KLF10: variants seen among roughly 807,000 people sequenced by gnomAD.
KLF10 encodes Krueppel-like factor 10.
A neutral mutation model predicts 31.6 loss-of-function variants in KLF10; 17 were observed. That is an observed-to-expected ratio of 0.54 (90% confidence interval 0.37 to 0.81). The LOEUF (loss-of-function observed/expected upper bound fraction) is 0.81, where lower values mean the gene tolerates loss of function less well. Ranked by LOEUF, KLF10 falls within the 30% of genes least tolerant of loss-of-function variation. The pLI, the probability that KLF10 is intolerant of heterozygous loss-of-function variation, is 0.00. For missense variants in KLF10, 525 were observed against 598.1 expected (o/e 0.88, Z 1.27); for synonymous variants, 239 against 215.1 (o/e 1.11, Z -0.97).
Position 102,652,232 on chromosome 8 carries a change from C to T in KLF10, c.202G>A (p.Val68Ile). 6.2e-7 allele frequency: 1 copy of T among 1,612,150 alleles called. No individual in the cohort carries two copies. Among genetic ancestry groups the T allele is most frequent in the Non-Finnish European group, 8.5e-7 (1 of 1,178,796 alleles). The change falls in exon 2 of 4, where the codon GTA becomes ATA. Residue 68 changes from valine to isoleucine, a missense_variant. Val to Ile is a conservative substitution (Grantham distance 29). This residue lies in a region of KLF10 where 434 missense variants were observed against 450.7 expected (regional missense o/e 0.96). Coordinates refer to ENST00000285407, the MANE Select transcript of KLF10 (RefSeq NM_005655.4). ...KYVENRPVTP[V>I]SDLSEEENLL... ...TTCTCTTCCTCTGACAAATCAGATA[C>T]TGGTGTAACAGGTCTGTTTTCAACG...
chr8:102,650,181 C>T lies in KLF10; in HGVS notation c.1394G>A (p.Ser465Asn), dbSNP rs751119835. The change falls in exon 4 of 4, where the codon AGC (serine) becomes AAC (asparagine). Residue 465 changes from serine (S) to asparagine (N), a missense_variant. This residue lies in a region of KLF10 where 42 missense variants were observed against 42.4 expected (regional missense o/e 0.99). Coordinates refer to ENST00000285407, the MANE Select transcript of KLF10 (RefSeq NM_005655.4). ...AGGTAGAGCAATGTCATTTAGCTTG[C>T]TCACTTCCATCTGCCAGTTTGGTAG... ...KKLPNWQMEV[S>N]KLNDIALPPT... 1 of 1,614,248 alleles carries T rather than the reference C, an allele frequency of 6.2e-7. No homozygotes were observed.
At chr8:102,651,064 A>G (rs990657907) in intron 3 of KLF10, 85 bp downstream of exon 3, 1 of 1,280,758 alleles carries the variant, frequency 7.8e-7, no homozygotes, top group African/African-American at 1.5e-5. Flanking sequence ...AAGGCAAGTT[A>G]TTCCTTATCA....
chr8:102,655,672 C>A lies in KLF10; in HGVS notation c.-71G>T. ...TGCTGGCTGCTTGGCCACAGACGGG[C>A]GCACGGAGACACTCGACGCCGCTCC... On this transcript the variant is annotated 5_prime_UTR_variant, in exon 1 of 4. Coordinates refer to ENST00000285407, the MANE Select transcript of KLF10 (RefSeq NM_005655.4). 9 of 1,562,596 alleles carry A rather than the reference C, an allele frequency of 5.8e-6. No homozygotes were observed. The highest frequency in any genetic ancestry group is 7.9e-6 in the Non-Finnish European group (9 of 1,141,652).
chr8:102,653,822 G>C, intron 1 of KLF10: 1 of 1,030,458 alleles, frequency 9.7e-7, no homozygotes, highest in Middle Eastern at 4.8e-4. Context: ...AACAGGGAGG[G>C]GAGGAAAGGG....
intron 3 of KLF10, 136 bp from the exon 4 acceptor site, chr8:102,650,527 G>A: frequency 1.1e-6 from 1 of 908,692 alleles, no homozygotes; most frequent in Non-Finnish European, 1.6e-6. Context: ...ATGAATATGA[G>A]ATATGTATTG....
chr8:102,652,094 T>C, intron 2 of KLF10, 33 bp from the exon 3 acceptor site: 1 of 1,517,720 alleles, frequency 6.6e-7, no homozygotes, highest in Non-Finnish European at 8.9e-7. Flanking sequence ...GCATGAGAAA[T>C]CTACAGTTTA....
intron 3 of KLF10, among the ~76,000 whole-genome samples, chr8:102,650,618 C>CA (rs1827184399): frequency 6.6e-6 from 1 of 152,110 alleles, no homozygotes; most frequent in African/African-American, 2.4e-5. Flanking sequence ...GAGTAGTAGG[C>CA]ACCTGTAGTC....
At chr8:102,652,124 T>G (rs933109465) in intron 2 of KLF10, 40 bp downstream of exon 2, 2 of 1,479,208 alleles carry the variant, frequency 1.4e-6, no homozygotes, top group African/African-American at 1.4e-5. Context: ...TTTTAAGAAA[T>G]TATATAATTT....
chr8:102,650,137 G>C lies in KLF10; in HGVS notation c.1438C>G (p.Gln480Glu). The change falls in exon 4 of 4, where the codon CAG (glutamine) becomes GAG (glutamate). Residue 480 changes from glutamine (Q) to glutamate (E), a missense_variant. Physicochemically the swap from Gln to Glu is conservative, Grantham distance 29 (BLOSUM62 2). Around this residue, in one of 3 missense-constraint regions of KLF10, gnomAD observed 42 missense variants for 42.4 expected, o/e 0.99. Transcript: ENST00000285407. ...IALPPTPAPT[Q>E] ...ACTCTTCACTTTCCGGTCTGTCACT[G>C]TGTGGGAGCAGGGGTTGGAGGTAGA... The C allele has an allele frequency of 6.2e-7, 1 of 1,614,210 alleles. No homozygotes were observed. The highest frequency in any genetic ancestry group is 8.5e-7 in the Non-Finnish European group (1 of 1,180,016).
Position 102,655,697 on chromosome 8 carries a change from C to T in KLF10, c.-96G>A, listed in dbSNP as rs891986782. ...CGCACGGAGACACTCGACGCCGCTC[C>T]CGCCGCCGCCGCGCTCAGCGCCGTC... On this transcript the variant is annotated 5_prime_UTR_variant, in exon 1 of 4. Transcript: ENST00000285407. 16 of 1,336,494 alleles carry T rather than the reference C, an allele frequency of 1.2e-5. No individual in the cohort carries two copies. Among genetic ancestry groups the T allele is most frequent in the Admixed American group, 3.9e-5 (2 of 50,670 alleles). 82.8% of individuals were successfully genotyped at this position (1,336,494 alleles called of 1,614,324 possible). A position where few individuals can be genotyped will look rare whatever the true frequency, so the allele number is the denominator to read the frequency against.
Position 102,652,204 on chromosome 8 carries a change from A to G in KLF10, c.230T>C (p.Leu77Pro). 1 of 1,606,382 alleles carries G rather than the reference A, an allele frequency of 6.2e-7. No homozygotes were observed. Among genetic ancestry groups the G allele is most frequent in the Non-Finnish European group, 8.5e-7 (1 of 1,175,006 alleles). ...ATGAAAATCAGGTGTTCCCGGAAGC[A>G]GATTCTCTTCCTCTGACAAATCAGA... ...PVSDLSEEEN[L>P]LPGTPDFHTI... Residue 77 changes from leucine (L) to proline (P), a missense_variant, in exon 2 of 4, where the codon CTG becomes CCG. Transcript: ENST00000285407.
chr8:102,655,441 C>G (rs1827341688), intron 1 of KLF10, 125 bp downstream of exon 1: 2 of 1,276,332 alleles, frequency 1.6e-6, no homozygotes, highest in Admixed American at 3.5e-5. Context: ...CTTTCCTTCC[C>G]CACGACTCCG....
At chr8:102,652,562 G>A (rs893499206) in intron 1 of KLF10, among the ~76,000 whole-genome samples, 165 bp from the exon 2 acceptor site, 2 of 149,168 alleles carry the variant, frequency 1.3e-5, no homozygotes, top group East Asian at 3.9e-4. Flanking sequence ...TACTAAGGAA[G>A]TTCAGCTACA....
Position 102,649,970 on chromosome 8 carries a change from CCT to C in KLF10, c.*160_*161del. The C allele has an allele frequency of 1.2e-6, 1 of 803,838 alleles. No individual in the cohort carries two copies. 49.8% of individuals were successfully genotyped at this position (803,838 alleles called of 1,614,324 possible). ...TCTGTGACCTGCCTGTGGCCGAAGC[CCT>C]TTTAGTCACCTAACCCAGGCGGGGC... On this transcript the variant is annotated 3_prime_UTR_variant, in exon 4 of 4. Coordinates refer to ENST00000285407, the MANE Select transcript of KLF10 (RefSeq NM_005655.4).
At chr8:102,654,886 G>C (rs539380616) in intron 1 of KLF10, among the ~76,000 whole-genome samples, 3 of 152,200 alleles carry the variant, frequency 2.0e-5, no homozygotes, top group Admixed American at 1.3e-4. Context: ...CCTGGGGTAA[G>C]AGTCCCCCTC....
Position 102,651,736 on chromosome 8 carries a change from T to C in KLF10, c.596A>G (p.Asn199Ser), listed in dbSNP as rs1268529731. ...THLNVEAARK[N>S]IPCAAVSPNR... ...TGGTGACACAGCGGCACATGGTATG[T>C]TCTTTCTTGCAGCCTCAACATTTAG... Residue 199 changes from asparagine to serine, a missense_variant, in exon 3 of 4, where the codon AAC becomes AGC. By Grantham distance (46) the Asn-to-Ser change is conservative. Transcript: ENST00000285407. The C allele has an allele frequency of 6.2e-6, 10 of 1,614,124 alleles. No individual in the cohort carries two copies. The highest frequency in any genetic ancestry group is 8.5e-6 in the Non-Finnish European group (10 of 1,180,040).
At chr8:102,655,463 A>G (rs1827341983) in intron 1 of KLF10, 103 bp downstream of exon 1, 6 of 1,446,688 alleles carry the variant, frequency 4.1e-6, no homozygotes, top group Admixed American at 1.7e-5. Context: ...TGCAGCCCCA[A>G]TTCTCAGGCA....
chr8:102,654,938 G>A (rs1276690740), intron 1 of KLF10, among the ~76,000 whole-genome samples: 1 of 151,984 alleles, frequency 6.6e-6, no homozygotes, highest in South Asian at 2.1e-4. Flanking sequence ...GGCTGTCGGC[G>A]GGCCCTCGTG....
chr8:102,655,468 C>T (rs1444576563), intron 1 of KLF10, 98 bp downstream of exon 1: 2 of 1,477,660 alleles, frequency 1.4e-6, no homozygotes, highest in East Asian at 2.3e-5. Context: ...CCCCAATTCT[C>T]AGGCATGGCT....
Sources: gnomAD v4.1 joint callset for allele counts (sites outside exome capture counted in the v4.1 genomes callset) on GRCh38, gnomAD v4.1.1 for gene constraint, gnomAD v4.1.1 regional missense constraint, MANE v1.5 for transcripts, NCBI Gene and HGNC (gene_info 2026-07-23, HGNC 2026-07-21) for gene names.